Variants in CDC42BPA observed in about 807,000 individuals in gnomAD.
The protein encoded by CDC42BPA is CDC42 binding protein kinase alpha.
A neutral mutation model predicts 223.5 loss-of-function variants in CDC42BPA; 80 were observed. The ratio of observed to expected loss-of-function variants is 0.36; its 90% CI spans 0.30 to 0.43. The LOEUF (loss-of-function observed/expected upper bound fraction) is 0.43. Ranked by LOEUF, CDC42BPA falls within the 20% of genes least tolerant of loss-of-function variation. The pLI, the probability that CDC42BPA is intolerant of heterozygous loss-of-function variation, is 1.00. For synonymous variants in CDC42BPA, 694 were observed against 718.6 expected (o/e 0.97, Z 0.55); for missense variants, 1,743 against 2,099.9 (o/e 0.83, Z 3.32).
In CDC42BPA at chr1:226,993,997, G is replaced by A. The variant is rs1412391887; in HGVS notation, c.*271C>T. ...CTATTTAAGCTACCTTTGGGAGTAGGGGTAAAATGTTACTGAAAGCAACTC... is the reference window on the plus strand; with the variant it reads ...CTATTTAAGCTACCTTTGGGAGTAGAGGTAAAATGTTACTGAAAGCAACTC... On this transcript the variant is annotated 3_prime_UTR_variant, in exon 37 of 37. Transcript: ENST00000366766. The A allele has an allele frequency of 2.2e-5, 8 of 370,732 alleles. No homozygotes were observed. Among genetic ancestry groups the A allele is most frequent in the Non-Finnish European group, 9.9e-6 (2 of 201,264 alleles). The allele number at this position is 370,732 out of a possible 1,614,324, so 23.0% of individuals were successfully genotyped here. A position where few individuals can be genotyped will look rare whatever the true frequency, so the allele number is the denominator to read the frequency against.
chr1:227,085,530 C>G (rs1681679302), intron 16 of CDC42BPA, among the ~76,000 whole-genome samples: 1 of 152,212 alleles, frequency 6.6e-6, no homozygotes, highest in South Asian at 2.1e-4. Flanking sequence ...GCATTTTGAA[C>G]CTGTATTTCT....
intron 16 of CDC42BPA, among the ~76,000 whole-genome samples, chr1:227,088,724 GAT>G (rs367826375): frequency 2.0e-5 from 3 of 151,490 alleles, no homozygotes; most frequent in Non-Finnish European, 2.9e-5. Flanking sequence ...TATTTGCAAT[GAT>G]ATATATATAT....
At chr1:227,231,003 T>C (rs936100989) in intron 2 of CDC42BPA, among the ~76,000 whole-genome samples, 4 of 152,006 alleles carry the variant, frequency 2.6e-5, no homozygotes, top group Admixed American at 6.6e-5. Context: ...TTTTTTATTA[T>C]GCTTTAAGTT....
chr1:227,252,641 A>G (rs1222211280), intron 2 of CDC42BPA, among the ~76,000 whole-genome samples: 1 of 152,220 alleles, frequency 6.6e-6, no homozygotes, highest in Non-Finnish European at 1.5e-5. Context: ...CTATCAACAC[A>G]CAAAAAGCAC....
At chr1:227,164,680 G>A (rs1334228245) in intron 5 of CDC42BPA, among the ~76,000 whole-genome samples, 2 of 151,990 alleles carry the variant, frequency 1.3e-5, no homozygotes, top group African/African-American at 2.4e-5. Context: ...AAGTGCGTGC[G>A]CATGAGCGCA....
At chr1:227,069,568 C>G in intron 21 of CDC42BPA, 1 of 370,622 alleles carries the variant, frequency 2.7e-6, no homozygotes, top group Non-Finnish European at 4.9e-6. Context: ...ATGATTAAAT[C>G]TTTCTTAGAT....
chr1:227,309,255 GCTGT>G (rs1693113730), intron 1 of CDC42BPA, among the ~76,000 whole-genome samples: 3 of 150,624 alleles, frequency 2.0e-5, no homozygotes, highest in South Asian at 2.1e-4. Context: ...TCCCCTATAT[GCTGT>G]CTGTCTTTAA....
chr1:227,055,936 C>T (rs1674452391), intron 21 of CDC42BPA, among the ~76,000 whole-genome samples: 1 of 151,628 alleles, frequency 6.6e-6, no homozygotes, highest in Admixed American at 6.6e-5. Flanking sequence ...GTGGTACTGT[C>T]CATACTGCAA....
chr1:227,015,514 C>CA (rs1279128995), intron 34 of CDC42BPA, among the ~76,000 whole-genome samples: 1 of 152,132 alleles, frequency 6.6e-6, no homozygotes, highest in Non-Finnish European at 1.5e-5. Context: ...CTTGGCCTCA[C>CA]AAAGTGCTGG....
intron 2 of CDC42BPA, among the ~76,000 whole-genome samples, chr1:227,232,915 G>C (rs963946837): frequency 6.6e-6 from 1 of 152,164 alleles, no homozygotes; most frequent in Admixed American, 6.5e-5. Flanking sequence ...CTCCTTGCTG[G>C]GAGAAGCACT....
At chr1:227,112,544 A>G (rs976790527) in intron 13 of CDC42BPA, 122 bp from the exon 14 acceptor site, 17 of 902,132 alleles carry the variant, frequency 1.9e-5, no homozygotes, top group Non-Finnish European at 4.6e-6. Flanking sequence ...ATCCATATTA[A>G]ATAATATTAA....
In CDC42BPA at chr1:227,026,155, G is replaced by A; in HGVS notation, c.4433-3C>T. 1 of 1,550,050 alleles carries A rather than the reference G, an allele frequency of 6.5e-7. No individual in the cohort carries two copies. The highest frequency in any genetic ancestry group is 8.8e-7 in the Non-Finnish European group (1 of 1,132,336). On this transcript the variant is annotated splice_region_variant and splice_polypyrimidine_tract_variant and intron_variant, in intron 30 of 36. Coordinates refer to ENST00000366766, the MANE Select transcript of CDC42BPA (RefSeq NM_001394014.1). ...CGAGAGATATGGTGCATTGTAACCT[G>A]GGAGAAGGGAAGGGGGGGCAGCTTG... is the stretch of plus-strand genomic sequence containing the variant.
intron 2 of CDC42BPA, among the ~76,000 whole-genome samples, chr1:227,242,265 G>C (rs1351674820): frequency 1.3e-5 from 2 of 152,064 alleles, no homozygotes; most frequent in African/African-American, 2.4e-5. Flanking sequence ...GAAGGAAAAA[G>C]AGTAATCATT....
rs1365874853 is a variant in CDC42BPA, at chr1:226,993,735, T to G, written c.*533A>C. The G allele has an allele frequency of 6.5e-6, 1 of 153,198 alleles. No individual in the cohort carries two copies. Among genetic ancestry groups the G allele is most frequent in the African/African-American group, 2.4e-5 (1 of 41,476 alleles). The allele number at this position is 153,198 out of a possible 1,614,324, so 9.5% of individuals were successfully genotyped here. On this transcript the variant is annotated 3_prime_UTR_variant, in exon 37 of 37. Coordinates refer to ENST00000366766, the MANE Select transcript of CDC42BPA (RefSeq NM_001394014.1). Reference sequence around the variant, plus strand: ...GTACTTCTACATTTATGTATTCATTTAAACTCTGTACTGTAGTAAAATATG... The same window carrying G: ...GTACTTCTACATTTATGTATTCATTGAAACTCTGTACTGTAGTAAAATATG...
intron 34 of CDC42BPA, among the ~76,000 whole-genome samples, chr1:227,009,561 A>G (rs2148420728): frequency 6.6e-6 from 1 of 152,240 alleles, no homozygotes; most frequent in South Asian, 2.1e-4. Flanking sequence ...GGCATGTGCC[A>G]CCACATCCAA....
intron 2 of CDC42BPA, among the ~76,000 whole-genome samples, chr1:227,222,613 G>A (rs1446136741): frequency 6.6e-6 from 1 of 152,224 alleles, no homozygotes; most frequent in Non-Finnish European, 1.5e-5. Flanking sequence ...AAGGAATGCT[G>A]CACAGAGAGG....
At position 227,069,865 on chromosome 1, in the gene CDC42BPA, CA is replaced by C. The variant is rs752581762; in HGVS notation, c.2828-13del. The C allele has an allele frequency of 6.3e-7, 1 of 1,599,036 alleles. No homozygotes were observed. The highest frequency in any genetic ancestry group is 8.6e-7 in the Non-Finnish European group (1 of 1,168,808). ...TTGGTGCTCTATACCTAGAAGACAGCAGCAACTTTTTTTAAGGCTACAACAA... is the reference window on the plus strand; with the variant it reads ...TTGGTGCTCTATACCTAGAAGACAGCGCAACTTTTTTTAAGGCTACAACAA... On this transcript the variant is annotated splice_polypyrimidine_tract_variant and intron_variant, in intron 20 of 36. Coordinates refer to ENST00000366766, the MANE Select transcript of CDC42BPA (RefSeq NM_001394014.1).
chr1:227,088,467 T>C (rs549960507), intron 16 of CDC42BPA, among the ~76,000 whole-genome samples: 1 of 152,328 alleles, frequency 6.6e-6, no homozygotes, highest in Non-Finnish European at 1.5e-5. Flanking sequence ...ATTGCAATTA[T>C]GTAATAATAA....
intron 17 of CDC42BPA, among the ~76,000 whole-genome samples, chr1:227,077,436 AAG>A (rs1385663226): frequency 6.6e-6 from 1 of 152,186 alleles, no homozygotes; most frequent in African/African-American, 2.4e-5. Context: ...GATTTAAATA[AAG>A]AGAGACAAAG....
Sources: allele counts gnomAD v4.1 joint callset (sites outside exome capture counted in the v4.1 genomes callset), GRCh38; gene constraint gnomAD v4.1.1; transcripts MANE v1.5; gene names NCBI Gene and HGNC (gene_info 2026-07-23, HGNC 2026-07-21).